Variants in ADGRB3 observed in about 807,000 individuals in gnomAD.
ADGRB3 encodes the protein adhesion G protein-coupled receptor B3.
A neutral mutation model predicts 193.4 loss-of-function variants in ADGRB3; 37 were observed. That is an observed-to-expected ratio of 0.19 (90% confidence interval 0.15 to 0.25). The LOEUF (loss-of-function observed/expected upper bound fraction) is 0.25. Ranked by LOEUF, ADGRB3 falls within the 10% of genes least tolerant of loss-of-function variation. The pLI, the probability that ADGRB3 is intolerant of heterozygous loss-of-function variation, is 1.00. For missense variants in ADGRB3, 1,637 were observed against 1,852.9 expected (o/e 0.88, Z 2.14); for synonymous variants, 690 against 644.2 (o/e 1.07, Z -1.08).
At chr6:69,098,284 A>G (rs1392877020) in intron 17 of ADGRB3, among the ~76,000 whole-genome samples, 1 of 152,190 alleles carries the variant, frequency 6.6e-6, no homozygotes. Context: ...TACTTCAAGT[A>G]TTATTAATTT....
intron 28 of ADGRB3, among the ~76,000 whole-genome samples, chr6:69,356,968 G>T (rs940863390): frequency 1.3e-5 from 2 of 152,070 alleles, no homozygotes; most frequent in Admixed American, 1.3e-4. Context: ...GTTGATCTTG[G>T]TGCTGCCTTT....
intron 22 of ADGRB3, among the ~76,000 whole-genome samples, chr6:69,329,177 A>G (rs985985217): frequency 6.6e-5 from 10 of 152,162 alleles, no homozygotes; most frequent in Non-Finnish European, 1.5e-4. Context: ...ATTTAGTGGC[A>G]GAGATTAGTT....
intron 24 of ADGRB3, among the ~76,000 whole-genome samples, chr6:69,333,441 T>A (rs933740946): frequency 6.6e-6 from 1 of 152,104 alleles, no homozygotes; most frequent in Non-Finnish European, 1.5e-5. Context: ...TTTGACTAAT[T>A]GTATATATCA....
At chr6:68,790,611 A>G (rs2127366337) in intron 3 of ADGRB3, among the ~76,000 whole-genome samples, 1 of 152,298 alleles carries the variant, frequency 6.6e-6, no homozygotes, top group South Asian at 2.1e-4. Context: ...ACGATCAGGC[A>G]GCAGCATCTG....
At chr6:68,861,306 G>A (rs1765144710) in intron 3 of ADGRB3, among the ~76,000 whole-genome samples, 1 of 152,174 alleles carries the variant, frequency 6.6e-6, no homozygotes, top group African/African-American at 2.4e-5. Flanking sequence ...GGGCACGGTG[G>A]CTCACGCCTG....
chr6:68,691,608 C>T (rs1222126480), intron 3 of ADGRB3, among the ~76,000 whole-genome samples: 1 of 151,866 alleles, frequency 6.6e-6, no homozygotes, highest in African/African-American at 2.4e-5. Context: ...ACTATCTTAA[C>T]CAACAATTTT....
chr6:68,787,379 G>T (rs981033630), intron 3 of ADGRB3, among the ~76,000 whole-genome samples: 3 of 152,090 alleles, frequency 2.0e-5, no homozygotes, highest in African/African-American at 2.4e-5. Context: ...GTTGAATTTT[G>T]TCACAGGCCT....
chr6:68,823,638 G>A (rs1041264946), intron 3 of ADGRB3, among the ~76,000 whole-genome samples: 1 of 152,172 alleles, frequency 6.6e-6, no homozygotes. Flanking sequence ...AATCAAGTCA[G>A]TGACTAACAA....
chr6:69,163,384 C>A (rs943490526), intron 17 of ADGRB3, among the ~76,000 whole-genome samples: 1 of 151,928 alleles, frequency 6.6e-6, no homozygotes, highest in African/African-American at 2.4e-5. Context: ...AACCAGGTAC[C>A]CCTCTTCCTA....
At chr6:69,117,097 A>T (rs1229587971) in intron 17 of ADGRB3, among the ~76,000 whole-genome samples, 1 of 152,242 alleles carries the variant, frequency 6.6e-6, no homozygotes, top group Non-Finnish European at 1.5e-5. Context: ...ATAGACAAAA[A>T]AGTATCTGTA....
chr6:69,383,126 T>A (rs1769987414), intron 31 of ADGRB3, among the ~76,000 whole-genome samples, 191 bp downstream of exon 31: 1 of 152,020 alleles, frequency 6.6e-6, no homozygotes, highest in Admixed American at 6.6e-5. Flanking sequence ...AGGCATTTTA[T>A]TCATATTTCA....
chr6:68,816,574 A>T (rs2127378286), intron 3 of ADGRB3, among the ~76,000 whole-genome samples: 1 of 152,006 alleles, frequency 6.6e-6, no homozygotes, highest in East Asian at 1.9e-4. Context: ...CTCCCAAGCT[A>T]CCTTTTCTAA....
At chr6:69,261,195 G>A (rs62408262) in intron 20 of ADGRB3, among the ~76,000 whole-genome samples, 7,322 of 152,184 alleles carry the variant, frequency 0.048, 239 homozygotes, top group Non-Finnish European at 0.072. Flanking sequence ...CTTAATGAGC[G>A]TTGCTGGGAA....
At chr6:69,122,165 A>C (rs1773720735) in intron 17 of ADGRB3, among the ~76,000 whole-genome samples, 1 of 151,734 alleles carries the variant, frequency 6.6e-6, no homozygotes, top group Non-Finnish European at 1.5e-5. Context: ...GGCAACAGTG[A>C]GCATTGGGTG....
intron 20 of ADGRB3, among the ~76,000 whole-genome samples, chr6:69,285,855 C>T (rs540018029): frequency 6.6e-6 from 1 of 151,980 alleles, no homozygotes; most frequent in African/African-American, 2.4e-5. Flanking sequence ...TCTCTTCTTA[C>T]TCATAACCTG....
At chr6:68,801,576 C>G (rs976641129) in intron 3 of ADGRB3, among the ~76,000 whole-genome samples, 10 of 152,062 alleles carry the variant, frequency 6.6e-5, no homozygotes, top group African/African-American at 2.2e-4. Context: ...GTAATCCCAG[C>G]TTCTTGGGAG....
intron 22 of ADGRB3, among the ~76,000 whole-genome samples, chr6:69,329,317 A>G (rs1249621811): frequency 6.6e-6 from 1 of 152,166 alleles, no homozygotes; most frequent in Non-Finnish European, 1.5e-5. Flanking sequence ...GTACGGTTTT[A>G]TCTTTCTGCT....
chr6:68,788,957 G>T (rs138512022), intron 3 of ADGRB3, among the ~76,000 whole-genome samples: 4,317 of 152,114 alleles, frequency 0.028, 208 homozygotes, highest in African/African-American at 0.097. Context: ...GTCTGTTTTA[G>T]CAGAGACTGG....
chr6:69,145,446 G>A (rs1774462717), intron 17 of ADGRB3, among the ~76,000 whole-genome samples: 1 of 152,180 alleles, frequency 6.6e-6, no homozygotes, highest in African/African-American at 2.4e-5. Context: ...CCCTGGCTCA[G>A]GGAGCTCCTA....
Sources: allele counts gnomAD v4.1 joint callset (sites outside exome capture counted in the v4.1 genomes callset), GRCh38; gene constraint gnomAD v4.1.1; transcripts MANE v1.5; gene names NCBI Gene and HGNC (gene_info 2026-07-23, HGNC 2026-07-21).